The following TREH variants were observed in gnomAD, a reference collection of about 807,000 sequenced individuals.
TREH encodes alpha,alpha-trehalose glucohydrolase.
In TREH, 69 loss-of-function variants were observed where a neutral mutation model predicts 80.5. That is an observed-to-expected ratio of 0.86 (90% CI 0.71 to 1.05). The LOEUF (loss-of-function observed/expected upper bound fraction) is 1.05. Ranked by LOEUF, TREH falls within the 50% of genes least tolerant of loss-of-function variation. TREH has a pLI of 0.00. For synonymous variants in TREH, 309 were observed against 293.5 expected (o/e 1.05, Z -0.54); for missense variants, 716 against 718.8 (o/e 1.00, Z 0.04).
chr11:118,673,005 CAGA>C (rs1949444511), intron 1 of TREH, among the ~76,000 whole-genome samples: 1 of 152,136 alleles, frequency 6.6e-6, no homozygotes, highest in Non-Finnish European at 1.5e-5. Flanking sequence ...TCCAGAAAAG[CAGA>C]AGAATCTATC....
At chr11:118,679,262 G>A (rs114263567) in intron 1 of TREH, among the ~76,000 whole-genome samples, 1,706 of 152,134 alleles carry the variant, frequency 0.011, 42 homozygotes, top group African/African-American at 0.039. Context: ...TCTCGAACCC[G>A]GGAGGTCTAG....
At position 118,668,714 on chromosome 11, in the gene TREH, C is replaced by T. The variant is rs576028448; in HGVS notation, c.90-5275G>A. 3.3e-5 allele frequency among the ~76,000 whole-genome samples: 5 copies of T among 151,930 alleles called. No homozygotes were observed. In the East Asian group the frequency reaches 5.8e-4, roughly 18 times the overall value. ...CAGCACTTTGGGAGGCCAAGGCAGG[C>T]GGATCACTTGAGGTTAGGAGTTCGA... On this transcript the variant is annotated intron_variant, in intron 1 of 14. Coordinates refer to ENST00000264029, the MANE Select transcript of TREH (RefSeq NM_007180.3).
chr11:118,663,576 T>C lies in TREH; in HGVS notation c.90-137A>G, dbSNP rs542906137. The C allele has an allele frequency of 1.0e-4, 71 of 688,640 alleles. 1 individual carries two copies. Among genetic ancestry groups the C allele is most frequent in the South Asian group, 7.8e-4 (43 of 55,028 alleles). 42.7% of individuals were successfully genotyped at this position (688,640 alleles called of 1,614,324 possible). On this transcript the variant is annotated intron_variant, in intron 1 of 14. Coordinates refer to ENST00000264029, the MANE Select transcript of TREH (RefSeq NM_007180.3). ...CAAGGGCTGTGTGTGCGTGCGTGTG[T>C]GTGTGTGTGTTAGGAGTTTGTGGGT...
intron 1 of TREH, among the ~76,000 whole-genome samples, chr11:118,672,151 G>A (rs563496402): frequency 7.2e-5 from 11 of 152,320 alleles, no homozygotes; most frequent in African/African-American, 2.6e-4. Flanking sequence ...TGTAATCCCA[G>A]CACTTTGGGA....
In TREH at chr11:118,679,521, C is replaced by T; in HGVS notation, c.89+18G>A. The T allele has an allele frequency of 1.4e-6, 2 of 1,473,712 alleles. No homozygotes were observed. The highest frequency in any genetic ancestry group is 1.4e-5 in the African/African-American group (1 of 70,622). 91.3% of individuals were successfully genotyped at this position (1,473,712 alleles called of 1,614,324 possible). A position where few individuals can be genotyped will look rare whatever the true frequency, so the allele number is the denominator to read the frequency against. On this transcript the variant is annotated intron_variant, in intron 1 of 14. Coordinates refer to ENST00000264029, the MANE Select transcript of TREH (RefSeq NM_007180.3). Reference sequence around the variant, plus strand: ...CTCTTATTGCCATCCTCCCCTGCTGCCTTCCCCACACCCCTACCTCTCACA... The same window carrying T: ...CTCTTATTGCCATCCTCCCCTGCTGTCTTCCCCACACCCCTACCTCTCACA...
chr11:118,661,984 G>T lies in TREH; in HGVS notation c.430C>A (p.Pro144Thr), dbSNP rs1555145109. The change falls in exon 5 of 15, where the codon CCA becomes ACA. Residue 144 changes from proline to threonine, a missense_variant. Physicochemically the swap from Pro to Thr is conservative, Grantham distance 38 (BLOSUM62 -1). Coordinates refer to ENST00000264029, the MANE Select transcript of TREH (RefSeq NM_007180.3). This position sits in a 1 kb window ranked among gnomAD's most constrained non-coding sequence, Gnocchi z 4.2. ...CGCTCAGGGTGGCTGAGAACCTCTG[G>T]CTTCATCTGGAGTCGGGAGAGAGGG... is the stretch of plus-strand genomic sequence containing the variant. ...LWKKLGKKMK[P>T]EVLSHPERFS... The T allele has an allele frequency of 1.9e-6, 3 of 1,552,488 alleles. No homozygotes were observed. The Admixed American group carries it at 5.9e-5, about 30-fold the overall frequency.
At chr11:118,673,099 C>T (rs1051774908) in intron 1 of TREH, among the ~76,000 whole-genome samples, 1 of 152,156 alleles carries the variant, frequency 6.6e-6, no homozygotes, top group Non-Finnish European at 1.5e-5. Context: ...CCTTTCATAC[C>T]TTCATACCCT....
Position 118,661,656 on chromosome 11 carries a change from A to C in TREH, c.598T>G (p.Phe200Val). ...AETVKGMLQNFLDLVKTYGHV... is the reference protein window; with the variant it reads ...AETVKGMLQNVLDLVKTYGHV... ...CCTCACGTTTTCACCAGGTCCAAGAAGTTCTGCAGCATGCCCTTCACCGTC... is the reference window on the plus strand; with the variant it reads ...CCTCACGTTTTCACCAGGTCCAAGACGTTCTGCAGCATGCCCTTCACCGTC... Residue 200 changes from phenylalanine (F) to valine (V), a missense_variant, in exon 6 of 15, where the codon TTC (phenylalanine) becomes GTC (valine). Coordinates refer to ENST00000264029, the MANE Select transcript of TREH (RefSeq NM_007180.3). This position sits in a 1 kb window ranked among gnomAD's most constrained non-coding sequence, Gnocchi z 4.2. 2 of 1,613,912 alleles carry C rather than the reference A, an allele frequency of 1.2e-6. No homozygotes were observed. Among genetic ancestry groups the C allele is most frequent in the Non-Finnish European group, 1.7e-6 (2 of 1,179,874 alleles).
intron 1 of TREH, among the ~76,000 whole-genome samples, chr11:118,672,772 G>A (rs1284501050): frequency 6.8e-6 from 1 of 146,108 alleles, no homozygotes; most frequent in Non-Finnish European, 1.5e-5. Flanking sequence ...ACTGGTAATA[G>A]TAAGCACACA....
At chr11:118,675,246 G>C (rs1418890562) in intron 1 of TREH, among the ~76,000 whole-genome samples, 1 of 152,044 alleles carries the variant, frequency 6.6e-6, no homozygotes, top group Non-Finnish European at 1.5e-5. Flanking sequence ...AGTGAGTCAG[G>C]GTCATTCTAG....
rs1345116521 is a variant in TREH at position 118,679,606 on chromosome 11, G to A, written c.22C>T (p.Leu8=). ...AGCCCCAGCAGCAGTAGCAGGCACA[G>A]CTCCCAGGTCCTCCCTGGCATGGTG... MPGRTWE[L]CLLLLLGLGL... The change falls in exon 1 of 15, where the codon CTG becomes TTG. Residue 8 remains leucine, a synonymous_variant. Coordinates refer to ENST00000264029, the MANE Select transcript of TREH (RefSeq NM_007180.3). 2.6e-6 allele frequency: 4 copies of A among 1,546,754 alleles called. No individual in the cohort carries two copies. The highest frequency in any genetic ancestry group is 1.8e-6 in the Non-Finnish European group (2 of 1,142,788).
intron 1 of TREH, among the ~76,000 whole-genome samples, chr11:118,675,502 T>C (rs781947653): frequency 6.6e-6 from 1 of 152,110 alleles, no homozygotes; most frequent in Non-Finnish European, 1.5e-5. Flanking sequence ...CTCACAGGAC[T>C]CAGAAAAGCT....
At chr11:118,659,517 G>T in intron 11 of TREH, 36 bp from the exon 12 acceptor site, 1 of 1,503,172 alleles carries the variant, frequency 6.7e-7, no homozygotes, top group South Asian at 1.3e-5. Context: ...ACTGTGGGTG[G>T]GGCTGGACTG....
chr11:118,672,165 C>T lies in TREH; in HGVS notation c.89+7374G>A, dbSNP rs139439258. On this transcript the variant is annotated intron_variant, in intron 1 of 14. Transcript: ENST00000264029. The stretch of plus-strand genomic sequence containing the variant: ...CTGTAATCCCAGCACTTTGGGAGGC[C>T]GAGGCGGGATGATCACTTGAGGAGT... 5.0e-3 allele frequency among the ~76,000 whole-genome samples: 753 copies of T among 150,742 alleles called. 7 individuals carry two copies. The highest frequency in any genetic ancestry group is 0.017 in the African/African-American group (716 of 41,036).
chr11:118,662,854 C>T, intron 4 of TREH, 27 bp downstream of exon 4: 2 of 1,556,878 alleles, frequency 1.3e-6, no homozygotes, highest in East Asian at 4.8e-5. Flanking sequence ...CTTGGTCAGG[C>T]CTTGGGCAGG....
chr11:118,665,728 T>C (rs1949371447), intron 1 of TREH, among the ~76,000 whole-genome samples: 1 of 152,230 alleles, frequency 6.6e-6, no homozygotes, highest in Non-Finnish European at 1.5e-5. Flanking sequence ...TGTTGTGGCT[T>C]CACAGCATCT....
Position 118,661,801 on chromosome 11 carries a change from T to TGCCCTGCTGAAGAC in TREH, c.524+75_525-73dup, listed in dbSNP as rs1414466899. ...CTGCACACCAGCCAGTGGGGCACTC[T>TGCCCTGCTGAAGAC]GCCCTGCTGAAGACACCCTGCTGGC... On this transcript the variant is annotated intron_variant, in intron 5 of 14. Transcript: ENST00000264029. This position sits in a 1 kb window ranked among gnomAD's most constrained non-coding sequence, Gnocchi z 4.2. The TGCCCTGCTGAAGAC allele has an allele frequency of 3.1e-6, 5 of 1,603,388 alleles. No homozygotes were observed. The highest frequency in any genetic ancestry group is 4.3e-6 in the Non-Finnish European group (5 of 1,171,902).
chr11:118,679,294 G>A (rs782279975), intron 1 of TREH, among the ~76,000 whole-genome samples: 5 of 152,088 alleles, frequency 3.3e-5, no homozygotes, highest in Non-Finnish European at 5.9e-5. Flanking sequence ...TGGAGATGGT[G>A]CCACTGTACT....
At chr11:118,659,179 A>C (rs1263401372) in intron 12 of TREH, among the ~76,000 whole-genome samples, 162 bp from the exon 13 acceptor site, 1 of 152,238 alleles carries the variant, frequency 6.6e-6, no homozygotes, top group Non-Finnish European at 1.5e-5. Flanking sequence ...CCTGGTTTGA[A>C]GGGCGAACAG....
Sources: allele counts gnomAD v4.1 joint callset (sites outside exome capture counted in the v4.1 genomes callset), GRCh38; gene constraint gnomAD v4.1.1; non-coding constraint Gnocchi (gnomAD v3.1); transcripts MANE v1.5; gene names NCBI Gene and HGNC (gene_info 2026-07-23, HGNC 2026-07-21).